RIMS2: variants seen among roughly 807,000 people sequenced by gnomAD.
RIMS2 encodes the protein regulating synaptic membrane exocytosis protein 2.
Under a neutral mutation model 174.4 loss-of-function variants are expected in RIMS2, and 59 were observed. The observed-to-expected ratio is 0.34, with a 90% CI of 0.27 to 0.42. RIMS2 has a LOEUF of 0.42. RIMS2 is among the 10% of genes least tolerant of loss of function. The pLI is 1.00. For missense variants in RIMS2, 1,620 were observed against 1,666.3 expected (o/e 0.97, Z 0.48); for synonymous variants, 606 against 572.5 (o/e 1.06, Z -0.84).
At chr8:103,619,554 T>G (rs1397716325) in intron 1 of RIMS2, among the ~76,000 whole-genome samples, 1 of 152,070 alleles carries the variant, frequency 6.6e-6, no homozygotes, top group Non-Finnish European at 1.5e-5. Flanking sequence ...AAAAATCTTC[T>G]GCATTCAAGG....
chr8:103,980,100 G>T (rs1288455437), intron 16 of RIMS2, among the ~76,000 whole-genome samples: 1 of 152,154 alleles, frequency 6.6e-6, no homozygotes, highest in Non-Finnish European at 1.5e-5. Context: ...ATACCAGCTG[G>T]CATGGCTAAA....
At chr8:104,174,212 G>A (rs1057115626) in intron 19 of RIMS2, among the ~76,000 whole-genome samples, 4 of 152,088 alleles carry the variant, frequency 2.6e-5, no homozygotes. Context: ...CTCCCAAAGT[G>A]CAGGGATTAC....
At chr8:103,729,195 G>T (rs550475951) in intron 2 of RIMS2, among the ~76,000 whole-genome samples, 2 of 152,174 alleles carry the variant, frequency 1.3e-5, no homozygotes, top group South Asian at 4.1e-4. Context: ...CAATGAAGAC[G>T]TTGGATCCTG....
At chr8:103,999,279 A>G (rs2095281301) in intron 17 of RIMS2, among the ~76,000 whole-genome samples, 1 of 151,782 alleles carries the variant, frequency 6.6e-6, no homozygotes, top group African/African-American at 2.4e-5. Context: ...TTAATGTGAA[A>G]GGAAACATAA....
intron 19 of RIMS2, among the ~76,000 whole-genome samples, chr8:104,038,054 C>T (rs533327742): frequency 4.7e-4 from 71 of 152,070 alleles, no homozygotes; most frequent in African/African-American, 1.6e-3. Flanking sequence ...TAGGCTATAC[C>T]ATGTAGGTTT....
At chr8:103,642,755 C>CT (rs1030691898) in intron 1 of RIMS2, among the ~76,000 whole-genome samples, 3 of 151,484 alleles carry the variant, frequency 2.0e-5, no homozygotes, top group South Asian at 2.1e-4. Flanking sequence ...CTACCTTTTT[C>CT]TTTTTTTTAT....
intron 19 of RIMS2, among the ~76,000 whole-genome samples, chr8:104,086,498 A>G (rs1184214692): frequency 6.6e-6 from 1 of 152,032 alleles, no homozygotes; most frequent in Non-Finnish European, 1.5e-5. Flanking sequence ...GGAGAAGCTG[A>G]TTACTAATAG....
chr8:104,087,352 C>G (rs1406630182), intron 19 of RIMS2, among the ~76,000 whole-genome samples: 1 of 151,902 alleles, frequency 6.6e-6, no homozygotes, highest in Non-Finnish European at 1.5e-5. Context: ...AAATAGATGG[C>G]TAAATAGCTG....
chr8:103,776,273 C>T (rs890731437), intron 3 of RIMS2, among the ~76,000 whole-genome samples: 1 of 152,052 alleles, frequency 6.6e-6, no homozygotes, highest in Non-Finnish European at 1.5e-5. Flanking sequence ...GATGAAGGTA[C>T]CACTACTAAA....
intron 2 of RIMS2, among the ~76,000 whole-genome samples, chr8:103,702,627 A>T (rs1479350249): frequency 6.6e-6 from 1 of 152,076 alleles, no homozygotes; most frequent in African/African-American, 2.4e-5. Context: ...CTGCTAATGG[A>T]TATTTAATTT....
intron 1 of RIMS2, among the ~76,000 whole-genome samples, chr8:103,611,039 G>A (rs1564005721): frequency 6.6e-6 from 1 of 151,970 alleles, no homozygotes; most frequent in Non-Finnish European, 1.5e-5. Flanking sequence ...ATTTCTTCCT[G>A]GTTCAGTCTT....
At chr8:103,645,971 G>A (rs778148911) in intron 1 of RIMS2, among the ~76,000 whole-genome samples, 11 of 152,030 alleles carry the variant, frequency 7.2e-5, no homozygotes, top group African/African-American at 1.7e-4. Flanking sequence ...AGGGAGATAC[G>A]GGTGGGGCTG....
chr8:104,205,006 A>G (rs138013465), intron 19 of RIMS2, among the ~76,000 whole-genome samples: 140 of 152,246 alleles, frequency 9.2e-4, no homozygotes, highest in African/African-American at 3.2e-3. Flanking sequence ...ATATGGAGCT[A>G]ATGGTTTTGG....
intron 3 of RIMS2, among the ~76,000 whole-genome samples, chr8:103,783,779 G>A (rs71520854): frequency 0.82 from 120,943 of 148,282 alleles, 49,984 homozygotes; most frequent in African/African-American, 0.94. Context: ...TTGGGTATAT[G>A]CCCAGTAATG....
chr8:103,570,871 A>G (rs558734874), intron 1 of RIMS2, among the ~76,000 whole-genome samples: 2 of 152,266 alleles, frequency 1.3e-5, no homozygotes, highest in South Asian at 2.1e-4. Context: ...ATTAAAAGTA[A>G]TTGCAAAAGC....
chr8:103,554,310 C>T (rs575792459), intron 1 of RIMS2, among the ~76,000 whole-genome samples: 3 of 152,172 alleles, frequency 2.0e-5, no homozygotes, highest in Non-Finnish European at 2.9e-5. Flanking sequence ...GGTCTACTAT[C>T]CAGCATCTGT....
chr8:103,572,652 T>C (rs906539439), intron 1 of RIMS2, among the ~76,000 whole-genome samples: 6 of 152,182 alleles, frequency 3.9e-5, no homozygotes, highest in African/African-American at 1.2e-4. Context: ...CTCCAATGAT[T>C]AGTGATGATG....
chr8:103,831,351 G>A (rs908153715), intron 3 of RIMS2, among the ~76,000 whole-genome samples: 7 of 152,076 alleles, frequency 4.6e-5, no homozygotes, highest in Non-Finnish European at 7.4e-5. Flanking sequence ...CCTGAAAGAG[G>A]GCTTTTCTTT....
At chr8:103,883,877 T>C (rs1211633732) in intron 3 of RIMS2, among the ~76,000 whole-genome samples, 3 of 151,850 alleles carry the variant, frequency 2.0e-5, no homozygotes, top group Non-Finnish European at 4.4e-5. Context: ...GCTGGCAGAT[T>C]TCCATAGACT....
Sources: allele counts gnomAD v4.1 joint callset (sites outside exome capture counted in the v4.1 genomes callset), GRCh38; gene constraint gnomAD v4.1.1; transcripts MANE v1.5; gene names NCBI Gene and HGNC (gene_info 2026-07-23, HGNC 2026-07-21).